The following BRINP3 variants were observed in gnomAD, a reference collection of about 807,000 sequenced individuals.
The protein encoded by BRINP3 is BMP/retinoic acid-inducible neural-specific protein 3.
In BRINP3, 19 loss-of-function variants were observed where a neutral mutation model predicts 71.0. The observed-to-expected ratio is 0.27, with a 90% CI of 0.19 to 0.39. BRINP3 has a LOEUF of 0.39. BRINP3 is among the 10% of genes least tolerant of loss of function. The probability of loss-of-function intolerance (pLI) is 1.00; values close to 1 mark genes in which losing one functional copy is unlikely to be tolerated. For synonymous variants in BRINP3, 380 were observed against 337.7 expected, an observed-to-expected ratio of 1.13 and a Z score of -1.37; for missense variants, 959 against 940.8, an observed-to-expected ratio of 1.02 and a Z score of -0.25.
intron 2 of BRINP3, among the ~76,000 whole-genome samples, chr1:190,435,496 C>A (rs1050044478): frequency 4.6e-5 from 7 of 151,456 alleles, no homozygotes; most frequent in African/African-American, 1.7e-4. Context: ...AATAAGTGAA[C>A]AAATTAGGAA....
chr1:190,129,474 T>C (rs1654356237), intron 7 of BRINP3, among the ~76,000 whole-genome samples: 2 of 151,934 alleles, frequency 1.3e-5, no homozygotes, highest in South Asian at 4.1e-4. Flanking sequence ...TACTTGTAAT[T>C]CATGCAGTAG....
intron 2 of BRINP3, among the ~76,000 whole-genome samples, chr1:190,386,489 T>G (rs2102281018): frequency 6.6e-6 from 1 of 152,062 alleles, no homozygotes; most frequent in South Asian, 2.1e-4. Flanking sequence ...ATTTAAAATG[T>G]TAAATATATC....
chr1:190,183,658 G>A (rs977766357), intron 6 of BRINP3, among the ~76,000 whole-genome samples: 3 of 152,046 alleles, frequency 2.0e-5, no homozygotes, highest in Non-Finnish European at 4.4e-5. Flanking sequence ...ATACTGCTGG[G>A]GTTTGAGCTT....
intron 2 of BRINP3, among the ~76,000 whole-genome samples, chr1:190,432,279 A>G (rs75218897): frequency 2.0e-3 from 298 of 152,248 alleles, no homozygotes; most frequent in Non-Finnish European, 3.6e-3. Context: ...TTCTACTCCA[A>G]TTGAAAACAA....
intron 2 of BRINP3, among the ~76,000 whole-genome samples, chr1:190,434,443 CT>C (rs2102524242): frequency 6.6e-6 from 1 of 151,992 alleles, no homozygotes; most frequent in South Asian, 2.1e-4. Context: ...CTTTGTTGTT[CT>C]TTTTCAAGTT....
At chr1:190,283,524 C>A (rs2102942811) in intron 2 of BRINP3, among the ~76,000 whole-genome samples, 1 of 151,600 alleles carries the variant, frequency 6.6e-6, no homozygotes, top group East Asian at 1.9e-4. Flanking sequence ...GTAAGAATGT[C>A]TTTATCTTTC....
intron 3 of BRINP3, among the ~76,000 whole-genome samples, chr1:190,268,700 TAGTA>T (rs1238140704): frequency 6.6e-6 from 1 of 152,040 alleles, no homozygotes; most frequent in East Asian, 1.9e-4. Flanking sequence ...TAACAAAACT[TAGTA>T]AGGTACAAGC....
intron 6 of BRINP3, among the ~76,000 whole-genome samples, chr1:190,224,236 A>G (rs1016522785): frequency 6.6e-6 from 1 of 151,944 alleles, no homozygotes; most frequent in Non-Finnish European, 1.5e-5. Context: ...CCTGACTTCA[A>G]ATTTACTACA....
chr1:190,276,854 T>A (rs1265975901), intron 3 of BRINP3, among the ~76,000 whole-genome samples: 1 of 150,802 alleles, frequency 6.6e-6, no homozygotes, highest in Non-Finnish European at 1.5e-5. Context: ...AAATGTATAT[T>A]ATCTTAAGAA....
At chr1:190,290,003 T>A (rs1424370356) in intron 2 of BRINP3, among the ~76,000 whole-genome samples, 6 of 152,006 alleles carry the variant, frequency 3.9e-5, no homozygotes, top group Non-Finnish European at 8.8e-5. Context: ...CTCGGAATCA[T>A]GAAATGAGTA....
intron 2 of BRINP3, among the ~76,000 whole-genome samples, chr1:190,305,473 CAT>C (rs1665030063): frequency 6.6e-6 from 1 of 151,710 alleles, no homozygotes; most frequent in South Asian, 2.1e-4. Context: ...GAGTATATTA[CAT>C]TAAGTGAGCT....
chr1:190,426,801 AG>A (rs1366952560), intron 2 of BRINP3, among the ~76,000 whole-genome samples: 2 of 151,922 alleles, frequency 1.3e-5, no homozygotes, highest in East Asian at 3.8e-4. Flanking sequence ...TTGTGTTATG[AG>A]TATTATAATT....
intron 2 of BRINP3, among the ~76,000 whole-genome samples, chr1:190,357,695 A>G (rs912603495): frequency 3.3e-5 from 5 of 151,874 alleles, no homozygotes; most frequent in Non-Finnish European, 7.4e-5. Flanking sequence ...GTTTTTTCCA[A>G]TTCTGTGAAG....
At chr1:190,183,056 G>A (rs921692747) in intron 6 of BRINP3, among the ~76,000 whole-genome samples, 1 of 152,102 alleles carries the variant, frequency 6.6e-6, no homozygotes, top group Non-Finnish European at 1.5e-5. Flanking sequence ...GAAGTACACT[G>A]TGAGAACTGT....
intron 1 of BRINP3, among the ~76,000 whole-genome samples, chr1:190,467,093 C>A (rs1676808402): frequency 6.6e-6 from 1 of 151,448 alleles, no homozygotes. Flanking sequence ...ATAGAAAATG[C>A]ATTATTCATT....
chr1:190,287,617 T>C (rs910478869), intron 2 of BRINP3, among the ~76,000 whole-genome samples: 38 of 152,140 alleles, frequency 2.5e-4, no homozygotes, highest in African/African-American at 8.0e-4. Flanking sequence ...CACTGATTAA[T>C]GACTGTTGTA....
At chr1:190,133,343 A>G (rs1175252087) in intron 7 of BRINP3, among the ~76,000 whole-genome samples, 1 of 152,172 alleles carries the variant, frequency 6.6e-6, no homozygotes, top group Non-Finnish European at 1.5e-5. Context: ...TTTACCAAAC[A>G]TCTACTGTCT....
chr1:190,401,725 C>T (rs1423499213), intron 2 of BRINP3, among the ~76,000 whole-genome samples: 1 of 151,834 alleles, frequency 6.6e-6, no homozygotes, highest in Non-Finnish European at 1.5e-5. Context: ...GTAAATGAAC[C>T]CAAATTAATA....
At position 190,098,724 on chromosome 1, in the gene BRINP3, C is replaced by G. The variant is rs762902347; in HGVS notation, c.1595G>C (p.Arg532Pro). The G allele has an allele frequency of 6.2e-7, 1 of 1,614,136 alleles. No homozygotes were observed. The highest frequency in any genetic ancestry group is 8.5e-7 in the Non-Finnish European group (1 of 1,180,036). ...NSWFDPSWRK[R>P]MLLTLKSNKY... ...ATTGCTCTTCAAGGTGAGGAGCATC[C>G]GCTTACGCCAGGAGGGATCAAACCA... Residue 532 changes from arginine (R) to proline (P), a missense_variant, in exon 8 of 8, where the codon CGG becomes CCG. Coordinates refer to ENST00000367462, the MANE Select transcript of BRINP3 (RefSeq NM_199051.3).
Sources: allele counts gnomAD v4.1 joint callset (sites outside exome capture counted in the v4.1 genomes callset), GRCh38; gene constraint gnomAD v4.1.1; transcripts MANE v1.5; gene names NCBI Gene and HGNC (gene_info 2026-07-23, HGNC 2026-07-21).